Variants in EIF2AK2 observed in about 807,000 individuals in gnomAD.
EIF2AK2 encodes the protein interferon-induced, double-stranded RNA-activated protein kinase.
A neutral mutation model predicts 70.5 loss-of-function variants in EIF2AK2; 40 were observed. The observed-to-expected ratio is 0.57, with a 90% CI of 0.44 to 0.74. EIF2AK2 has a LOEUF of 0.74. Among genes scored for constraint, EIF2AK2 ranks in the 30% least tolerant of loss-of-function variants. The pLI is 0.00. For missense variants in EIF2AK2, 555 were observed against 644.3 expected (o/e 0.86, Z 1.50); for synonymous variants, 198 against 220.9 (o/e 0.90, Z 0.92).
chr2:37,124,922 T>C (rs1674680468), intron 11 of EIF2AK2, among the ~76,000 whole-genome samples: 1 of 152,130 alleles, frequency 6.6e-6, no homozygotes, highest in South Asian at 2.1e-4. Context: ...AGGTGGAGTT[T>C]TGCCATGTTG....
In EIF2AK2 at chr2:37,138,280, G is replaced by A. The variant is rs747731290; in HGVS notation, c.677C>T (p.Ser226Leu). 27 of 1,612,392 alleles carry A rather than the reference G, an allele frequency of 1.7e-5. No individual in the cohort carries two copies. Among genetic ancestry groups the A allele is most frequent in the East Asian group, 2.2e-5 (1 of 44,836 alleles). ...AGACTAATACGATACCATAAGCAAC[G>A]AAGAACTGTTTAAACTGTCACTGTT... ...NSNSDSLNSS[S>L]LLMNGLRNNQ... The change falls in exon 8 of 17, where the codon TCG (serine) becomes TTG (leucine). Residue 226 changes from serine (S) to leucine (L), a missense_variant. By Grantham distance (145) the Ser-to-Leu change is moderately radical. Coordinates refer to ENST00000233057, the MANE Select transcript of EIF2AK2 (RefSeq NM_001135651.3).
chr2:37,151,240 C>T (rs1200502209), intron 1 of EIF2AK2, among the ~76,000 whole-genome samples: 2 of 151,896 alleles, frequency 1.3e-5, no homozygotes, highest in East Asian at 3.9e-4. Flanking sequence ...TCTTACAGCT[C>T]AACAACAAAA....
chr2:37,140,607 C>CA (rs887506125), intron 5 of EIF2AK2, among the ~76,000 whole-genome samples: 17 of 151,726 alleles, frequency 1.1e-4, no homozygotes, highest in Non-Finnish European at 1.9e-4. Context: ...ACTGCCCCCC[C>CA]CCGCAAACAG....
chr2:37,154,239 C>T (rs367667426), intron 1 of EIF2AK2, among the ~76,000 whole-genome samples: 96 of 152,026 alleles, frequency 6.3e-4, no homozygotes, highest in African/African-American at 2.1e-3. Context: ...GAAGGAGAAT[C>T]GCTTGAACCC....
chr2:37,150,425 AT>A (rs545575592), intron 1 of EIF2AK2, among the ~76,000 whole-genome samples: 4,862 of 152,076 alleles, frequency 0.032, 119 homozygotes, highest in South Asian at 0.065. Flanking sequence ...ATATTTTTAA[AT>A]TTTTTTTGCA....
chr2:37,132,871 G>A (rs948155596), intron 10 of EIF2AK2, among the ~76,000 whole-genome samples: 8 of 152,100 alleles, frequency 5.3e-5, no homozygotes, highest in African/African-American at 1.2e-4. Context: ...AAAAAGGTTC[G>A]ATTTCTTTTG....
rs1049204388 is a variant in EIF2AK2 at position 37,139,675 on chromosome 2, C to T, written c.472G>A (p.Ala158Thr). The change falls in exon 6 of 17, where the codon GCT becomes ACT. Residue 158 changes from alanine to threonine, a missense_variant. Around this residue, in one of 3 missense-constraint regions of EIF2AK2, gnomAD observed 208 missense variants for 191.8 expected, o/e 1.08. Transcript: ENST00000233057. Reference protein sequence around the residue: ...STKQEAKQLAAKLAYLQILSE... With the variant: ...STKQEAKQLATKLAYLQILSE... ...AATATCTGAAGATATGCAAGTTTAGCGGCCAATTGTTTTGCTTCCTGTTTA... is the reference window on the plus strand; with the variant it reads ...AATATCTGAAGATATGCAAGTTTAGTGGCCAATTGTTTTGCTTCCTGTTTA... 5 of 1,613,872 alleles carry T rather than the reference C, an allele frequency of 3.1e-6. No homozygotes were observed. The highest frequency in any genetic ancestry group is 1.3e-5 in the African/African-American group (1 of 74,900).
chr2:37,129,189 A>G (rs539433722), intron 10 of EIF2AK2, among the ~76,000 whole-genome samples: 1 of 152,184 alleles, frequency 6.6e-6, no homozygotes, highest in Non-Finnish European at 1.5e-5. Context: ...AAACATCTCC[A>G]TTTAAAATAC....
intron 14 of EIF2AK2, among the ~76,000 whole-genome samples, chr2:37,112,944 T>C (rs1396926380): frequency 6.6e-6 from 1 of 152,214 alleles, no homozygotes; most frequent in African/African-American, 2.4e-5. Context: ...ATAACCTCTG[T>C]TCCACTTTCT....
chr2:37,118,622 A>G (rs989484590), intron 13 of EIF2AK2, among the ~76,000 whole-genome samples: 8 of 152,256 alleles, frequency 5.3e-5, no homozygotes, highest in Non-Finnish European at 7.3e-5. Context: ...GTGAAAGCAT[A>G]ACCAACTCTA....
At chr2:37,139,341 A>T (rs1675245427) in intron 6 of EIF2AK2, among the ~76,000 whole-genome samples, 1 of 150,574 alleles carries the variant, frequency 6.6e-6, no homozygotes, top group Non-Finnish European at 1.5e-5. Flanking sequence ...AAACTCCTGA[A>T]CTCAGGAGAT....
In EIF2AK2 at chr2:37,146,450, A is replaced by G. The variant is rs1675542256; in HGVS notation, c.240+403T>C. ...GGGAGTCCTGGTACCAATTCCCCAC[A>G]GAGAGTGAGTGACCACTGTACATTA... On this transcript the variant is annotated intron_variant, in intron 4 of 16. Transcript: ENST00000233057. Among the ~76,000 whole-genome samples, 3 of 152,256 alleles carry G rather than the reference A, an allele frequency of 2.0e-5. No homozygotes were observed. In the South Asian group the frequency reaches 6.2e-4, roughly 31 times the overall value.
chr2:37,123,507 A>C (rs1674627520), intron 11 of EIF2AK2, among the ~76,000 whole-genome samples: 1 of 152,128 alleles, frequency 6.6e-6, no homozygotes, highest in Non-Finnish European at 1.5e-5. Context: ...GGATCTAGCA[A>C]TCCACCTGCC....
rs371637500 is a variant in EIF2AK2, at chr2:37,138,375, G to C, written c.594-12C>G. The C allele has an allele frequency of 1.2e-5, 20 of 1,610,188 alleles. No homozygotes were observed. Among genetic ancestry groups the C allele is most frequent in the Non-Finnish European group, 1.4e-5 (17 of 1,177,456 alleles). Reference sequence around the variant, plus strand: ...ATGATTCAGAAGCGCTAGAAGAAAAGGGTGTAACTATTAGTTTATTAATTC... The same window carrying C: ...ATGATTCAGAAGCGCTAGAAGAAAACGGTGTAACTATTAGTTTATTAATTC... On this transcript the variant is annotated splice_polypyrimidine_tract_variant and intron_variant, in intron 7 of 16. Coordinates refer to ENST00000233057, the MANE Select transcript of EIF2AK2 (RefSeq NM_001135651.3).
intron 12 of EIF2AK2, among the ~76,000 whole-genome samples, chr2:37,120,985 C>T (rs1674525273): frequency 6.8e-6 from 1 of 146,158 alleles, no homozygotes; most frequent in Admixed American, 6.9e-5. Flanking sequence ...AAGAAGAGGC[C>T]GGGCGCGGTG....
At chr2:37,120,321 C>A (rs1312078998) in intron 12 of EIF2AK2, among the ~76,000 whole-genome samples, 182 bp from the exon 13 acceptor site, 1 of 150,644 alleles carries the variant, frequency 6.6e-6, no homozygotes, top group Non-Finnish European at 1.5e-5. Flanking sequence ...ATCGAGACCA[C>A]GGTGAAACCC....
At chr2:37,156,713 C>T (rs1239018658) in intron 1 of EIF2AK2, among the ~76,000 whole-genome samples, 195 bp downstream of exon 1, 2 of 152,210 alleles carry the variant, frequency 1.3e-5, no homozygotes, top group South Asian at 2.1e-4. Flanking sequence ...GAGGGCCCCA[C>T]ACCCGGGCTG....
chr2:37,118,831 G>T (rs73924977), intron 13 of EIF2AK2, among the ~76,000 whole-genome samples: 2,985 of 152,250 alleles, frequency 0.02, 100 homozygotes, highest in African/African-American at 0.069. Context: ...TGTGTATATG[G>T]GAACTTATTT....
At chr2:37,132,895 C>T (rs76606826) in intron 10 of EIF2AK2, among the ~76,000 whole-genome samples, 5,695 of 152,268 alleles carry the variant, frequency 0.037, 147 homozygotes, top group Middle Eastern at 0.058. Context: ...CTGGTTGATA[C>T]CTTTTCGGCA....
Sources: gnomAD v4.1 joint callset for allele counts (sites outside exome capture counted in the v4.1 genomes callset) on GRCh38, gnomAD v4.1.1 for gene constraint, gnomAD v4.1.1 regional missense constraint, MANE v1.5 for transcripts, NCBI Gene and HGNC (gene_info 2026-07-23, HGNC 2026-07-21) for gene names.